The following NME8 variants were observed in gnomAD, a reference collection of about 807,000 sequenced individuals.
The protein encoded by NME8 is NME/NM23 family member 8, also known as protein NME8.
A neutral mutation model predicts 82.3 loss-of-function variants in NME8; 72 were observed. The ratio of observed to expected loss-of-function variants is 0.87; its 90% CI spans 0.72 to 1.06. NME8 has a LOEUF of 1.06. Among genes scored for constraint, NME8 ranks in the 50% least tolerant of loss-of-function variants. NME8 has a pLI of 0.00. For missense variants in NME8, 712 were observed against 685.4 expected (o/e 1.04, Z -0.43); for synonymous variants, 267 against 228.5 (o/e 1.17, Z -1.52).
intron 2 of NME8, 101 bp from the exon 3 acceptor site, chr7:37,850,159 C>A: frequency 1.1e-6 from 1 of 903,664 alleles, no homozygotes; most frequent in South Asian, 1.4e-5. Flanking sequence ...TATGTACCCA[C>A]AAAAATTAAA....
intron 11 of NME8, among the ~76,000 whole-genome samples, chr7:37,875,802 G>A (rs1176991581): frequency 1.3e-5 from 2 of 152,010 alleles, no homozygotes; most frequent in Non-Finnish European, 2.9e-5. Context: ...TAACGGCTAA[G>A]TACCTAAGGA....
At chr7:37,872,976 A>G (rs1199790458) in intron 11 of NME8, among the ~76,000 whole-genome samples, 3 of 152,224 alleles carry the variant, frequency 2.0e-5, no homozygotes, top group African/African-American at 7.2e-5. Flanking sequence ...CATATGTTTG[A>G]AACCCAGAGC....
At chr7:37,884,248 T>G in intron 12 of NME8, 55 bp from the exon 13 acceptor site, 1 of 1,219,278 alleles carries the variant, frequency 8.2e-7, no homozygotes, top group South Asian at 1.2e-5. Flanking sequence ...ATGTATTGTG[T>G]ACATAACCAG....
At chr7:37,897,168 A>G (rs1785243000) in intron 17 of NME8, 61 bp downstream of exon 17, 2 of 1,049,752 alleles carry the variant, frequency 1.9e-6, no homozygotes, top group African/African-American at 1.6e-5. Flanking sequence ...TGAGGCTAGG[A>G]CAAACCTGTC....
chr7:37,892,838 G>C lies in NME8; in HGVS notation c.1400-1628G>C, dbSNP rs7797123. On this transcript the variant is annotated intron_variant, in intron 15 of 17. Transcript: ENST00000199447. Reference sequence around the variant, plus strand: ...TGTTCAAACTGCTTAATTCACATTAGGGTGTCGTGTTACAGTTTGGGGGGG... The same window carrying C: ...TGTTCAAACTGCTTAATTCACATTACGGTGTCGTGTTACAGTTTGGGGGGG... Among the ~76,000 whole-genome samples, 1,366 of 151,986 alleles carry C rather than the reference G, an allele frequency of 9.0e-3. 15 individuals are homozygous for C. The highest frequency in any genetic ancestry group is 0.014 in the Non-Finnish European group (971 of 67,966).
Position 37,896,947 on chromosome 7 carries a change from C to T in NME8, c.1622C>T (p.Pro541Leu). 6.2e-7 allele frequency: 1 copy of T among 1,613,824 alleles called. No homozygotes were observed. Among genetic ancestry groups the T allele is most frequent in the Non-Finnish European group, 8.5e-7 (1 of 1,179,894 alleles). Residue 541 changes from proline (P) to leucine (L), a missense_variant, in exon 17 of 18, where the codon CCA becomes CTA. Coordinates refer to ENST00000199447, the MANE Select transcript of NME8 (RefSeq NM_016616.5). Reference sequence around the variant, plus strand: ...AGACGATTGATGGGCCCAACAGACCCAGAAGAAGCAAAATTACTTTCCCCT... The same window carrying T: ...AGACGATTGATGGGCCCAACAGACCTAGAAGAAGCAAAATTACTTTCCCCT... ...EWRRLMGPTD[P>L]EEAKLLSPDS...
At chr7:37,849,486 A>G (rs997321147) in intron 2 of NME8, among the ~76,000 whole-genome samples, 15 of 152,220 alleles carry the variant, frequency 9.9e-5, no homozygotes, top group African/African-American at 3.4e-4. Flanking sequence ...CCTAGCATAC[A>G]ATAGTCCTTC....
Position 37,894,496 on chromosome 7 carries a change from G to A in NME8, c.1430G>A (p.Gly477Glu), listed in dbSNP as rs767197340. ...EQILKIVKEA[G>E]FDLTQVKKMF... Reference sequence around the variant, plus strand: ...ATCCTGAAGATAGTTAAGGAGGCTGGATTTGATCTGACACAGGTGAAGAAA... The same window carrying A: ...ATCCTGAAGATAGTTAAGGAGGCTGAATTTGATCTGACACAGGTGAAGAAA... The change falls in exon 16 of 18, where the codon GGA becomes GAA. Residue 477 changes from glycine (G) to glutamate (E), a missense_variant. Gly to Glu is a moderately conservative substitution (Grantham distance 98). Coordinates refer to ENST00000199447, the MANE Select transcript of NME8 (RefSeq NM_016616.5). 3.1e-5 allele frequency: 50 copies of A among 1,613,000 alleles called. No individual in the cohort carries two copies. The highest frequency in any genetic ancestry group is 3.6e-5 in the Non-Finnish European group (42 of 1,179,392).
chr7:37,900,019 A>T (rs968571174), intron 17 of NME8, among the ~76,000 whole-genome samples: 2 of 152,198 alleles, frequency 1.3e-5, no homozygotes, highest in African/African-American at 4.8e-5. Context: ...CTCACAAGTT[A>T]ATATTTTTAA....
Position 37,894,513 on chromosome 7 carries a change from G to T in NME8, c.1447G>T (p.Val483Leu), listed in dbSNP as rs1443922266. 8 of 1,612,908 alleles carry T rather than the reference G, an allele frequency of 5.0e-6. No homozygotes were observed. In the Admixed American group the frequency reaches 1.3e-4, roughly 27 times the overall value. The change falls in exon 16 of 18, where the codon GTG becomes TTG. Residue 483 changes from valine (V) to leucine (L), a missense_variant. Physicochemically the swap from Val to Leu is conservative, Grantham distance 32. Coordinates refer to ENST00000199447, the MANE Select transcript of NME8 (RefSeq NM_016616.5). ...VKEAGFDLTQ[V>L]KKMFLTPEQI... is the part of the protein sequence containing the mutation. Reference sequence around the variant, plus strand: ...GGAGGCTGGATTTGATCTGACACAGGTGAAGAAAATGTTCCTAACTCCTGA... The same window carrying T: ...GGAGGCTGGATTTGATCTGACACAGTTGAAGAAAATGTTCCTAACTCCTGA...
At chr7:37,877,998 G>C (rs933600081) in intron 12 of NME8, among the ~76,000 whole-genome samples, 2 of 152,178 alleles carry the variant, frequency 1.3e-5, no homozygotes, top group African/African-American at 4.8e-5. Flanking sequence ...GAGCTAGCTA[G>C]CACATCCTGT....
At chr7:37,868,235 T>G (rs914650359) in intron 11 of NME8, among the ~76,000 whole-genome samples, 1 of 151,982 alleles carries the variant, frequency 6.6e-6, no homozygotes, top group Non-Finnish European at 1.5e-5. Context: ...CTCGCCATGG[T>G]GGATTTTTGT....
intron 5 of NME8, among the ~76,000 whole-genome samples, 194 bp from the exon 6 acceptor site, chr7:37,857,080 G>A (rs1044123953): frequency 2.6e-5 from 4 of 152,128 alleles, no homozygotes; most frequent in South Asian, 2.1e-4. Context: ...GAAACGGTGC[G>A]GAAAGGTTAA....
chr7:37,885,119 C>G (rs760812157), intron 13 of NME8, 26 bp from the exon 14 acceptor site: 1 of 1,463,276 alleles, frequency 6.8e-7, no homozygotes. Flanking sequence ...TTCTTATTAC[C>G]TCTTCTTTGT....
In NME8 at chr7:37,886,439, C is replaced by CCA. The variant is rs142312914; in HGVS notation, c.1247+1189_1247+1190dup. Among the ~76,000 whole-genome samples, 1,364 of 152,294 alleles carry CCA rather than the reference C, an allele frequency of 9.0e-3. 14 individuals are homozygous for CCA. The highest frequency in any genetic ancestry group is 0.014 in the Non-Finnish European group (970 of 68,018). On this transcript the variant is annotated intron_variant, in intron 14 of 17. Coordinates refer to ENST00000199447, the MANE Select transcript of NME8 (RefSeq NM_016616.5). ...TTATTTCTAATTGATCCCCACTTTT[C>CCA]CACTTTCCTTGGCTCCACCCACCAC...
At chr7:37,866,053 C>T (rs190262365) in intron 10 of NME8, among the ~76,000 whole-genome samples, 175 of 152,128 alleles carry the variant, frequency 1.2e-3, no homozygotes, top group African/African-American at 4.0e-3. Flanking sequence ...CCTGCCACCT[C>T]CCTACCCCAC....
At chr7:37,875,789 A>G (rs1357952237) in intron 11 of NME8, among the ~76,000 whole-genome samples, 3 of 152,182 alleles carry the variant, frequency 2.0e-5, no homozygotes, top group Non-Finnish European at 4.4e-5. Flanking sequence ...GGCCCCACCA[A>G]CATAACGGCT....
intron 12 of NME8, among the ~76,000 whole-genome samples, chr7:37,877,838 T>C (rs1784881608): frequency 6.6e-6 from 1 of 152,220 alleles, no homozygotes; most frequent in Non-Finnish European, 1.5e-5. Flanking sequence ...ACGTCAAAAA[T>C]GTCTCTGGAG....
At chr7:37,896,765 A>T in intron 16 of NME8, 105 bp from the exon 17 acceptor site, 1 of 929,818 alleles carries the variant, frequency 1.1e-6, no homozygotes, top group Non-Finnish European at 1.8e-6. Context: ...ACAAAGAATA[A>T]AAAGGAGCTC....
Sources: allele counts gnomAD v4.1 joint callset (sites outside exome capture counted in the v4.1 genomes callset), GRCh38; gene constraint gnomAD v4.1.1; transcripts MANE v1.5; gene names NCBI Gene and HGNC (gene_info 2026-07-23, HGNC 2026-07-21).